Variants in HDAC9 observed in about 807,000 individuals in gnomAD.
The protein encoded by HDAC9 is histone deacetylase 9, also known as MEF-2 interacting transcription repressor (MITR) protein.
In HDAC9, 41 loss-of-function variants were observed where a neutral mutation model predicts 139.4. The observed-to-expected ratio is 0.29, with a 90% CI of 0.23 to 0.38. HDAC9 has a LOEUF of 0.38. Among genes scored for constraint, HDAC9 ranks in the 10% least tolerant of loss-of-function variants. HDAC9 has a pLI of 1.00. For missense variants in HDAC9, 1,147 were observed against 1,297.0 expected, an observed-to-expected ratio of 0.88 and a Z score of 1.78; for synonymous variants, 517 against 476.2, an observed-to-expected ratio of 1.09 and a Z score of -1.12.
At chr7:18,771,431 A>G (rs1484396592) in intron 16 of HDAC9, among the ~76,000 whole-genome samples, 5 of 152,122 alleles carry the variant, frequency 3.3e-5, no homozygotes, top group Non-Finnish European at 7.4e-5. Context: ...TATATCAACT[A>G]TACTCACTAC....
intron 21 of HDAC9, among the ~76,000 whole-genome samples, chr7:18,859,737 CTTTTTCCTTAT>C (rs1313861359): frequency 6.9e-6 from 1 of 144,758 alleles, no homozygotes; most frequent in Non-Finnish European, 1.5e-5. Context: ...TTTGACCTTT[CTTTTTCCTTAT>C]TTTTATGCCT....
At chr7:18,699,968 CGTT>C (rs1380251923) in intron 12 of HDAC9, among the ~76,000 whole-genome samples, 2 of 151,718 alleles carry the variant, frequency 1.3e-5, no homozygotes, top group African/African-American at 2.4e-5. Flanking sequence ...GACATGTTAA[CGTT>C]GTTCTGTGTT....
intron 11 of HDAC9, among the ~76,000 whole-genome samples, chr7:18,652,970 C>T (rs1462378626): frequency 6.6e-6 from 1 of 152,056 alleles, no homozygotes; most frequent in East Asian, 1.9e-4. Context: ...GGTGCAATGG[C>T]TCATGCCTGT....
At chr7:18,987,865 G>T (rs1252916535) in intron 25 of HDAC9, among the ~76,000 whole-genome samples, 1 of 152,132 alleles carries the variant, frequency 6.6e-6, no homozygotes, top group Non-Finnish European at 1.5e-5. Flanking sequence ...AGAGGTGTTT[G>T]TAGTATTCTC....
intron 2 of HDAC9, among the ~76,000 whole-genome samples, chr7:18,571,922 C>T (rs545501181): frequency 1.4e-4 from 21 of 151,070 alleles, no homozygotes; most frequent in African/African-American, 4.9e-4. Context: ...TTTGTGCTGG[C>T]TAAAGGTAAT....
upstream of HDAC9, among the ~76,000 whole-genome samples, chr7:18,490,730 AG>A (rs928073250): frequency 3.9e-5 from 6 of 151,994 alleles, no homozygotes; most frequent in African/African-American, 1.4e-4. Flanking sequence ...TATTCCTTGG[AG>A]GTCTAAGGGA....
chr7:18,488,529 G>A (rs559303776), intron 1 of HDAC9, among the ~76,000 whole-genome samples: 1 of 152,084 alleles, frequency 6.6e-6, no homozygotes, highest in East Asian at 1.9e-4. Flanking sequence ...AGTTGGGTCT[G>A]AAGCTGTAAT....
intron 1 of HDAC9, among the ~76,000 whole-genome samples, chr7:18,314,751 A>G (rs1799527512): frequency 2.0e-5 from 3 of 152,334 alleles, no homozygotes; most frequent in South Asian, 4.1e-4. Context: ...TGATGAGTAG[A>G]TGCATTTTTA....
At chr7:18,850,097 A>AG (rs1202527993) in intron 21 of HDAC9, among the ~76,000 whole-genome samples, 4 of 151,836 alleles carry the variant, frequency 2.6e-5, no homozygotes, top group African/African-American at 9.7e-5. Context: ...AAAAAAAAAA[A>AG]AAAGAAAACA....
intron 12 of HDAC9, chr7:18,667,415 C>T: frequency 1.0e-6 from 1 of 983,734 alleles, no homozygotes; most frequent in Non-Finnish European, 1.2e-6. Flanking sequence ...AGTATAATTC[C>T]ATAATGACAT....
intron 1 of HDAC9, among the ~76,000 whole-genome samples, chr7:18,118,189 A>T (rs1460585461): frequency 1.3e-5 from 2 of 152,202 alleles, no homozygotes; most frequent in Non-Finnish European, 2.9e-5. Flanking sequence ...TCCCTACTTC[A>T]CAAATGAGCC....
intron 11 of HDAC9, among the ~76,000 whole-genome samples, chr7:18,649,857 G>A (rs1360593548): frequency 6.6e-6 from 1 of 152,122 alleles, no homozygotes; most frequent in Non-Finnish European, 1.5e-5. Flanking sequence ...TCTCAAAGTA[G>A]CAAAAGTATG....
At chr7:18,335,100 A>T (rs1232847442) in intron 1 of HDAC9, among the ~76,000 whole-genome samples, 2 of 151,488 alleles carry the variant, frequency 1.3e-5, no homozygotes, top group Non-Finnish European at 3.0e-5. Context: ...TTGAAAAGGG[A>T]TTAAGAGAAA....
rs17140166 is a variant in HDAC9 at position 18,874,586 on chromosome 7, G to T, written c.2793G>T (p.Val931=). ...GHTPPLGGYK[V]TAKCFGHLTK... is the part of the protein sequence containing the mutation. ...CCCCTCCTCTAGGAGGGTACAAAGT[G>T]ACGGCAAAATGTAAGTACCTCTTTC... The change falls in exon 22 of 26, where the codon GTG becomes GTT. Residue 931 remains valine, a synonymous_variant. Coordinates refer to ENST00000686413, the MANE Select transcript of HDAC9 (RefSeq NM_178425.4). 4.3e-3 allele frequency: 6,856 copies of T among 1,577,406 alleles called. 238 individuals carry two copies. The African/African-American group carries it at 0.076, about 18-fold the overall frequency.
intron 12 of HDAC9, chr7:18,668,496 T>A: frequency 1.0e-6 from 1 of 979,226 alleles, no homozygotes; most frequent in Non-Finnish European, 1.2e-6. Flanking sequence ...AGCAGACTTT[T>A]GTATAATATT....
At chr7:18,139,917 A>G (rs1484520932) in intron 1 of HDAC9, among the ~76,000 whole-genome samples, 2 of 152,194 alleles carry the variant, frequency 1.3e-5, no homozygotes, top group African/African-American at 2.4e-5. Context: ...AGCCCCGCCA[A>G]CACCTTGATT....
intron 2 of HDAC9, among the ~76,000 whole-genome samples, chr7:18,240,794 C>T (rs1237475712): frequency 6.6e-6 from 1 of 152,200 alleles, no homozygotes; most frequent in African/African-American, 2.4e-5. Flanking sequence ...GTTCATTCTA[C>T]TCCACACTGG....
intron 22 of HDAC9, among the ~76,000 whole-genome samples, chr7:18,895,593 A>G (rs1359964313): frequency 1.3e-5 from 2 of 152,152 alleles, no homozygotes; most frequent in African/African-American, 4.8e-5. Flanking sequence ...AATTCTTATT[A>G]GGTGAGTGTA....
intron 14 of HDAC9, among the ~76,000 whole-genome samples, chr7:18,756,596 T>A (rs1192756593): frequency 6.6e-6 from 1 of 152,342 alleles, no homozygotes; most frequent in East Asian, 1.9e-4. Flanking sequence ...TTCTATTGCG[T>A]GTAAGGTTAT....
Sources: allele counts gnomAD v4.1 joint callset (sites outside exome capture counted in the v4.1 genomes callset), GRCh38; gene constraint gnomAD v4.1.1; transcripts MANE v1.5; gene names NCBI Gene and HGNC (gene_info 2026-07-23, HGNC 2026-07-21).